NT5DC1: variants seen among roughly 807,000 people sequenced by gnomAD.
NT5DC1 encodes 5'-nucleotidase domain containing 1.
In NT5DC1, 42 loss-of-function variants were observed where a neutral mutation model predicts 59.4. That is an observed-to-expected ratio of 0.71 (90% CI 0.55 to 0.92). NT5DC1 has a LOEUF of 0.92. Among genes scored for constraint, NT5DC1 ranks in the 40% least tolerant of loss-of-function variants. NT5DC1 has a pLI of 0.00. For missense variants in NT5DC1, 501 were observed against 537.1 expected (o/e 0.93, Z 0.66); for synonymous variants, 172 against 188.1 (o/e 0.91, Z 0.70).
intron 6 of NT5DC1, among the ~76,000 whole-genome samples, chr6:116,126,309 AT>A (rs1779308149): frequency 6.6e-6 from 1 of 152,170 alleles, no homozygotes; most frequent in Admixed American, 6.5e-5. Flanking sequence ...TTATTTAAAA[AT>A]AAACCCATTG....
intron 4 of NT5DC1, among the ~76,000 whole-genome samples, chr6:116,111,627 T>C (rs546079388): frequency 3.9e-5 from 6 of 152,368 alleles, no homozygotes; most frequent in African/African-American, 1.4e-4. Context: ...CACTACAGTA[T>C]TGAATTGCAC....
rs1161318502 is a variant in NT5DC1, at chr6:116,241,914, C to T, written c.1253-1995C>T. On this transcript the variant is annotated intron_variant, in intron 11 of 11. Transcript: ENST00000319550. ...CTCCAGCCTGGGTGACAGAGCAAGA[C>T]TCCGTCTCAAAAAAAAAAAAAAAAC... is the stretch of plus-strand genomic sequence containing the variant. Among the ~76,000 whole-genome samples, 7 of 103,414 alleles carry T rather than the reference C, an allele frequency of 6.8e-5. No homozygotes were observed. In the Admixed American group the frequency reaches 9.9e-4, roughly 15 times the overall value. The allele number at this position is 103,414 out of a possible 152,430, so 67.8% of individuals were successfully genotyped here. A position where few individuals can be genotyped will look rare whatever the true frequency, so the allele number is the denominator to read the frequency against.
chr6:116,234,107 C>T (rs1032287399), intron 8 of NT5DC1, among the ~76,000 whole-genome samples: 3 of 150,420 alleles, frequency 2.0e-5, no homozygotes, highest in African/African-American at 4.9e-5. Flanking sequence ...ACTACAGGCA[C>T]GCACCACCAT....
At chr6:116,202,277 T>C (rs994316540) in intron 6 of NT5DC1, among the ~76,000 whole-genome samples, 5 of 151,958 alleles carry the variant, frequency 3.3e-5, no homozygotes, top group Non-Finnish European at 5.9e-5. Context: ...TAGTACCTTT[T>C]TTTCTTATGC....
At chr6:116,126,281 CTCCTTT>C (rs1779307435) in intron 6 of NT5DC1, 1 of 152,098 alleles carries the variant, frequency 6.6e-6, no homozygotes, top group Admixed American at 6.6e-5. Flanking sequence ...GGGCTGGGCT[CTCCTTT>C]TCCTTGTTTT....
intron 6 of NT5DC1, among the ~76,000 whole-genome samples, chr6:116,140,721 T>C (rs1409968952): frequency 6.6e-6 from 1 of 152,176 alleles, no homozygotes; most frequent in Non-Finnish European, 1.5e-5. Flanking sequence ...ATTATATATT[T>C]AAAAGGAATT....
At chr6:116,199,637 GC>G (rs1781305966) in intron 6 of NT5DC1, among the ~76,000 whole-genome samples, 2 of 152,188 alleles carry the variant, frequency 1.3e-5, no homozygotes, top group Admixed American at 6.5e-5. Flanking sequence ...ATGACCTAGA[GC>G]ATCTTGTAGT....
chr6:116,115,738 C>G lies in NT5DC1; in HGVS notation c.412C>G (p.Leu138Val). ...DNYFDLPGAL[L>V]CARVVDYLTK... ...CTACTTTGACCTGCCAGGAGCTCTT[C>G]TGTGTGCCAGGGTGGTGGACTATTT... Residue 138 changes from leucine to valine, a missense_variant, in exon 5 of 12, where the codon CTG (leucine) becomes GTG (valine). Coordinates refer to ENST00000319550, the MANE Select transcript of NT5DC1 (RefSeq NM_152729.3). 1 of 1,603,846 alleles carries G rather than the reference C, an allele frequency of 6.2e-7. No homozygotes were observed. The highest frequency in any genetic ancestry group is 8.5e-7 in the Non-Finnish European group (1 of 1,170,810).
intron 6 of NT5DC1, among the ~76,000 whole-genome samples, chr6:116,214,980 G>A (rs2114532375): frequency 6.6e-6 from 1 of 152,152 alleles, no homozygotes; most frequent in South Asian, 2.1e-4. Context: ...CTCTAGGGTG[G>A]GGGGCATAGG....
chr6:116,106,844 C>T (rs1321611263), intron 2 of NT5DC1, among the ~76,000 whole-genome samples: 1 of 152,112 alleles, frequency 6.6e-6, no homozygotes. Context: ...GTTTGTCTTC[C>T]TCATTTAGAT....
chr6:116,105,695 C>A (rs1342658705), intron 1 of NT5DC1, among the ~76,000 whole-genome samples: 2 of 151,980 alleles, frequency 1.3e-5, no homozygotes, highest in African/African-American at 4.8e-5. Context: ...TACTTGCTTC[C>A]AGAGGCTTTC....
At chr6:116,189,244 C>A (rs1185086367) in intron 6 of NT5DC1, among the ~76,000 whole-genome samples, 1 of 151,556 alleles carries the variant, frequency 6.6e-6, no homozygotes, top group Admixed American at 6.6e-5. Context: ...TTAACTGGTA[C>A]TTTTTTCTCT....
chr6:116,134,490 A>C (rs149695713), intron 6 of NT5DC1, among the ~76,000 whole-genome samples: 11 of 152,332 alleles, frequency 7.2e-5, no homozygotes, highest in Middle Eastern at 3.4e-3. Context: ...GCCTGTTATA[A>C]GGCATAGACC....
intron 6 of NT5DC1, among the ~76,000 whole-genome samples, chr6:116,163,647 A>G (rs1780397920): frequency 6.6e-6 from 1 of 150,836 alleles, no homozygotes; most frequent in South Asian, 2.1e-4. Flanking sequence ...TTATTTCTTT[A>G]CTTCTGCTAG....
intron 6 of NT5DC1, among the ~76,000 whole-genome samples, chr6:116,219,362 A>G (rs1157935742): frequency 2.0e-5 from 3 of 152,138 alleles, no homozygotes; most frequent in Non-Finnish European, 2.9e-5. Flanking sequence ...GTTTATTTTT[A>G]TCAGTGGTAT....
At chr6:116,238,485 GA>G (rs903834558) in intron 10 of NT5DC1, 137 bp downstream of exon 10, 4 of 367,126 alleles carry the variant, frequency 1.1e-5, no homozygotes, top group African/African-American at 2.5e-5. Context: ...AAAAAAAAAA[GA>G]GACTAATAAT....
rs561913629 is a variant in NT5DC1 at position 116,120,882 on chromosome 6, G to T, written c.529+2937G>T. 55 of 1,613,870 alleles carry T rather than the reference G, an allele frequency of 3.4e-5. No individual in the cohort carries two copies. In the South Asian group the frequency reaches 5.8e-4, roughly 17 times the overall value. ...AGACCAGGAGGTCCTCCAACTCCAG[G>T]ATCACCTTTTGGACCTGGTAACCCT... On this transcript the variant is annotated intron_variant, in intron 6 of 11. Transcript: ENST00000319550.
rs530089148 is a variant in NT5DC1, at chr6:116,127,495, A to ATTCT, written c.529+9553_529+9554insTTTC. Among the ~76,000 whole-genome samples, 397 of 152,252 alleles carry ATTCT rather than the reference A, an allele frequency of 2.6e-3. 9 individuals are homozygous for ATTCT. The South Asian group carries it at 0.043, about 17-fold the overall frequency. The stretch of plus-strand genomic sequence containing the variant: ...GAATAACAAAATAGGAAAGTTTATA[A>ATTCT]TTCATCATTTGGAAATTATATATGG... On this transcript the variant is annotated intron_variant, in intron 6 of 11. Transcript: ENST00000319550.
intron 6 of NT5DC1, among the ~76,000 whole-genome samples, chr6:116,212,278 T>TA (rs2114528175): frequency 6.6e-6 from 1 of 152,180 alleles, no homozygotes; most frequent in East Asian, 1.9e-4. Flanking sequence ...ATATGACTGA[T>TA]ACAAATACAG....
Sources: gnomAD v4.1 joint callset for allele counts (sites outside exome capture counted in the v4.1 genomes callset) on GRCh38, gnomAD v4.1.1 for gene constraint, MANE v1.5 for transcripts, NCBI Gene and HGNC (gene_info 2026-07-23, HGNC 2026-07-21) for gene names.